UGT8: variants seen among roughly 807,000 people sequenced by gnomAD.
UGT8 encodes the protein 2-hydroxyacylsphingosine 1-beta-galactosyltransferase.
In UGT8, 12 loss-of-function variants were observed where a neutral mutation model predicts 40.5. That is an observed-to-expected ratio of 0.30 (90% CI 0.19 to 0.48). UGT8 has a LOEUF of 0.48. Ranked by LOEUF, UGT8 falls within the 20% of genes least tolerant of loss-of-function variation. UGT8 has a pLI of 0.99. For missense variants in UGT8, 513 were observed against 648.7 expected, an observed-to-expected ratio of 0.79 and a Z score of 2.27; for synonymous variants, 224 against 240.4, an observed-to-expected ratio of 0.93 and a Z score of 0.63.
chr4:114,673,249 G>A (rs1437881418), intron 5 of UGT8, among the ~76,000 whole-genome samples: 2 of 152,066 alleles, frequency 1.3e-5, no homozygotes, highest in African/African-American at 4.8e-5. Context: ...TATGCTCATG[G>A]GACAATGCCA....
At chr4:114,662,299 G>A (rs1224947490) in intron 2 of UGT8, among the ~76,000 whole-genome samples, 2 of 152,190 alleles carry the variant, frequency 1.3e-5, no homozygotes, top group Non-Finnish European at 2.9e-5. Flanking sequence ...ACACAGTTGT[G>A]TTTTGGCCAT....
intron 2 of UGT8, among the ~76,000 whole-genome samples, chr4:114,627,657 GA>G (rs1431904597): frequency 6.6e-6 from 1 of 152,092 alleles, no homozygotes; most frequent in Non-Finnish European, 1.5e-5. Context: ...ATCCACCAAA[GA>G]ATAGTACATG....
At chr4:114,649,406 C>T (rs1194692215) in intron 2 of UGT8, among the ~76,000 whole-genome samples, 1 of 152,082 alleles carries the variant, frequency 6.6e-6, no homozygotes, top group African/African-American at 2.4e-5. Context: ...TTTTAACACA[C>T]ATAATTGAAA....
chr4:114,652,843 T>C (rs763014427), intron 2 of UGT8, among the ~76,000 whole-genome samples: 10 of 152,048 alleles, frequency 6.6e-5, no homozygotes, highest in African/African-American at 1.2e-4. Flanking sequence ...CCAGTTAGGA[T>C]TTTTATCTTA....
intron 2 of UGT8, among the ~76,000 whole-genome samples, chr4:114,627,680 A>T (rs1391382917): frequency 6.6e-6 from 1 of 152,212 alleles, no homozygotes; most frequent in African/African-American, 2.4e-5. Flanking sequence ...TTACTTAGGG[A>T]ATCTAATAGT....
At chr4:114,610,232 A>G (rs1730961208) in intron 1 of UGT8, among the ~76,000 whole-genome samples, 2 of 152,162 alleles carry the variant, frequency 1.3e-5, no homozygotes, top group African/African-American at 4.8e-5. Context: ...CTAGCTGTGT[A>G]ATGCAAAGAC....
chr4:114,658,921 C>T (rs1172480162), intron 2 of UGT8, among the ~76,000 whole-genome samples: 1 of 152,106 alleles, frequency 6.6e-6, no homozygotes, highest in Non-Finnish European at 1.5e-5. Flanking sequence ...CCGAGTCTGA[C>T]TCTGGTACAT....
chr4:114,616,857 G>A (rs193137890), intron 1 of UGT8, among the ~76,000 whole-genome samples: 8 of 152,150 alleles, frequency 5.3e-5, no homozygotes, highest in Admixed American at 1.3e-4. Flanking sequence ...AGTATATTGG[G>A]GTGTTCCTGT....
intron 1 of UGT8, among the ~76,000 whole-genome samples, chr4:114,619,109 A>G (rs1442787981): frequency 6.6e-6 from 1 of 152,234 alleles, no homozygotes; most frequent in Non-Finnish European, 1.5e-5. Flanking sequence ...TCCAATGAAC[A>G]TAGGTATAAT....
chr4:114,653,118 G>C (rs1310572548), intron 2 of UGT8, among the ~76,000 whole-genome samples: 3 of 152,058 alleles, frequency 2.0e-5, no homozygotes, highest in Non-Finnish European at 4.4e-5. Context: ...ATTATGAAAA[G>C]TGGGGAGTGA....
chr4:114,638,367 T>C (rs1231015477), intron 2 of UGT8, among the ~76,000 whole-genome samples: 2 of 152,220 alleles, frequency 1.3e-5, no homozygotes, highest in Admixed American at 1.3e-4. Flanking sequence ...TACATGAGGG[T>C]TCCAAGGGTG....
At chr4:114,666,934 T>C (rs1201695886) in intron 4 of UGT8, among the ~76,000 whole-genome samples, 1 of 152,154 alleles carries the variant, frequency 6.6e-6, no homozygotes, top group East Asian at 1.9e-4. Context: ...GGATGAGAAG[T>C]AGGAACCAAA....
At chr4:114,610,424 A>G (rs889291652) in intron 1 of UGT8, among the ~76,000 whole-genome samples, 1 of 152,230 alleles carries the variant, frequency 6.6e-6, no homozygotes, top group African/African-American at 2.4e-5. Flanking sequence ...TTTTCACAAG[A>G]CAATGGCAAT....
At chr4:114,635,819 A>G (rs1732853927) in intron 2 of UGT8, among the ~76,000 whole-genome samples, 1 of 152,212 alleles carries the variant, frequency 6.6e-6, no homozygotes, top group Non-Finnish European at 1.5e-5. Flanking sequence ...TGTAATTTGA[A>G]TCAGTTTCCT....
chr4:114,654,626 G>A (rs1442969827), intron 2 of UGT8, among the ~76,000 whole-genome samples: 1 of 152,070 alleles, frequency 6.6e-6, no homozygotes, highest in East Asian at 1.9e-4. Flanking sequence ...TGAGCTAGTA[G>A]CTACAACACC....
intron 2 of UGT8, among the ~76,000 whole-genome samples, chr4:114,632,987 G>A (rs1277843365): frequency 6.6e-6 from 1 of 152,120 alleles, no homozygotes; most frequent in Non-Finnish European, 1.5e-5. Flanking sequence ...TAAATTCCTT[G>A]ACTACCATTT....
intron 2 of UGT8, among the ~76,000 whole-genome samples, chr4:114,626,651 C>T (rs1179875874): frequency 6.6e-6 from 1 of 152,146 alleles, no homozygotes; most frequent in East Asian, 1.9e-4. Flanking sequence ...ATAGTAGATA[C>T]AAAGACTTCA....
chr4:114,627,101 G>A (rs1047033506), intron 2 of UGT8, among the ~76,000 whole-genome samples: 3 of 152,106 alleles, frequency 2.0e-5, no homozygotes, highest in Non-Finnish European at 2.9e-5. Flanking sequence ...AAACAATGTG[G>A]ACTAAGGGGA....
intron 2 of UGT8, among the ~76,000 whole-genome samples, chr4:114,643,969 G>A (rs774929671): frequency 3.3e-5 from 5 of 151,938 alleles, no homozygotes; most frequent in South Asian, 2.1e-4. Context: ...GTGACCTCGC[G>A]TGTGAACAAT....
Sources: gnomAD v4.1 joint callset for allele counts (sites outside exome capture counted in the v4.1 genomes callset) on GRCh38, gnomAD v4.1.1 for gene constraint, MANE v1.5 for transcripts, NCBI Gene and HGNC (gene_info 2026-07-23, HGNC 2026-07-21) for gene names.